PTPRN2: variants seen among roughly 807,000 people sequenced by gnomAD.
PTPRN2 encodes protein tyrosine phosphatase receptor type N2, also known as receptor-type tyrosine-protein phosphatase N2.
Under a neutral mutation model 118.8 loss-of-function variants are expected in PTPRN2, and 74 were observed. That is an observed-to-expected ratio of 0.62 (90% CI 0.52 to 0.76). The LOEUF (loss-of-function observed/expected upper bound fraction) is 0.76. PTPRN2 is among the 30% of genes least tolerant of loss of function. The pLI is 0.00. For missense variants in PTPRN2, 1,481 were observed against 1,394.4 expected (o/e 1.06, Z -0.99); for synonymous variants, 641 against 608.0 (o/e 1.05, Z -0.80).
chr7:158,234,755 C>T (rs1282888393), intron 3 of PTPRN2, among the ~76,000 whole-genome samples: 7 of 152,170 alleles, frequency 4.6e-5, no homozygotes, highest in South Asian at 2.1e-4. Flanking sequence ...ATCCCACTCC[C>T]GTTAAAATGG....
At chr7:157,851,628 C>T (rs1044220370) in intron 12 of PTPRN2, among the ~76,000 whole-genome samples, 3 of 152,170 alleles carry the variant, frequency 2.0e-5, no homozygotes, top group South Asian at 4.1e-4. Flanking sequence ...ACCTTGTGTC[C>T]CTGCTCTGCA....
intron 12 of PTPRN2, among the ~76,000 whole-genome samples, chr7:157,728,083 A>G (rs6459807): frequency 0.77 from 117,479 of 152,206 alleles, 45,870 homozygotes; most frequent in African/African-American, 0.89. Context: ...GCCACCTGGT[A>G]CCCGGTGGGT....
intron 12 of PTPRN2, among the ~76,000 whole-genome samples, chr7:157,791,897 C>T (rs1048724752): frequency 7.9e-5 from 12 of 152,206 alleles, no homozygotes; most frequent in Admixed American, 4.6e-4. Context: ...GAGGGGCGCA[C>T]GCGGATCCCC....
chr7:158,149,476 A>C (rs934491886), intron 6 of PTPRN2, among the ~76,000 whole-genome samples: 2 of 152,110 alleles, frequency 1.3e-5, no homozygotes, highest in Non-Finnish European at 2.9e-5. Flanking sequence ...TTAATCTCTA[A>C]CAAAGGCAAT....
intron 10 of PTPRN2, among the ~76,000 whole-genome samples, chr7:158,107,350 C>T (rs893857501): frequency 3.9e-5 from 6 of 152,188 alleles, no homozygotes; most frequent in Non-Finnish European, 5.9e-5. Flanking sequence ...TCCTAAGTCC[C>T]TGGTGTGCTG....
intron 4 of PTPRN2, among the ~76,000 whole-genome samples, chr7:158,199,241 GGTTCTCAGGTTCTCTTAGCCTTTAGCAT>G (rs1467577653): frequency 1.3e-5 from 2 of 152,104 alleles, no homozygotes; most frequent in African/African-American, 2.4e-5. Context: ...TCAGGTTCCT[GGTTCTCAGGTTCTCTTAGCCTTTAGCAT>G]GTTCTCAGGT....
chr7:158,197,223 C>T (rs1467253186), intron 4 of PTPRN2, among the ~76,000 whole-genome samples: 5 of 152,180 alleles, frequency 3.3e-5, no homozygotes, highest in Non-Finnish European at 7.3e-5. Flanking sequence ...ATAGAACATA[C>T]ACTTTGCTAA....
intron 12 of PTPRN2, among the ~76,000 whole-genome samples, chr7:157,830,773 G>A (rs1032192735): frequency 2.0e-5 from 3 of 152,214 alleles, no homozygotes; most frequent in Non-Finnish European, 4.4e-5. Context: ...AAGAAAATCC[G>A]AGATGTCACA....
chr7:158,164,510 G>A (rs1043100634), intron 6 of PTPRN2, among the ~76,000 whole-genome samples: 1 of 144,252 alleles, frequency 6.9e-6, no homozygotes, highest in Non-Finnish European at 1.5e-5. Flanking sequence ...GCGCGCGTAG[G>A]GAGGGCTCAG....
intron 6 of PTPRN2, among the ~76,000 whole-genome samples, chr7:158,154,186 G>A (rs1034170678): frequency 2.6e-5 from 4 of 152,162 alleles, no homozygotes; most frequent in African/African-American, 7.2e-5. Flanking sequence ...TCCAGAAAAG[G>A]CAGCGTAACG....
At position 157,929,378 on chromosome 7, in the gene PTPRN2, G is replaced by A. The variant is rs147081000; in HGVS notation, c.1724-30641C>T. On this transcript the variant is annotated intron_variant, in intron 11 of 22. Coordinates refer to ENST00000389418, the MANE Select transcript of PTPRN2 (RefSeq NM_002847.5). The surrounding 1 kb of genome is among the most constrained non-coding windows in gnomAD (Gnocchi z 4.4). ...AATGTCAACTCCTCTGTGGGTTCCT[G>A]CAGCACCGGGAGACCCTGGCGCGAC... Among the ~76,000 whole-genome samples, 1 of 152,018 alleles carries A rather than the reference G, an allele frequency of 6.6e-6. No individual in the cohort carries two copies. Among genetic ancestry groups the A allele is most frequent in the Non-Finnish European group, 1.5e-5 (1 of 67,930 alleles).
At chr7:157,905,693 C>T (rs1186386733) in intron 11 of PTPRN2, among the ~76,000 whole-genome samples, 2 of 152,174 alleles carry the variant, frequency 1.3e-5, no homozygotes, top group African/African-American at 2.4e-5. Context: ...TCTTTATCCT[C>T]GTTATTTTAA....
At chr7:158,185,669 TCCTG>T (rs1409651733) in intron 5 of PTPRN2, among the ~76,000 whole-genome samples, 2 of 152,224 alleles carry the variant, frequency 1.3e-5, no homozygotes, top group Admixed American at 6.5e-5. Flanking sequence ...ACACCAGCTT[TCCTG>T]CCTTTCGAGT....
At position 158,558,058 on chromosome 7, in the gene PTPRN2, C is replaced by T. The variant is rs115231319; in HGVS notation, c.112+29500G>A. Among the ~76,000 whole-genome samples, 1,168 of 152,298 alleles carry T rather than the reference C, an allele frequency of 7.7e-3. 19 individuals are homozygous for T. The highest frequency in any genetic ancestry group is 0.026 in the African/African-American group (1,074 of 41,572). ...GGAGTGCAGTGGTATCATCATTACTCACTGCAGCCTTGAACTTCTGGGCTT... is the reference window on the plus strand; with the variant it reads ...GGAGTGCAGTGGTATCATCATTACTTACTGCAGCCTTGAACTTCTGGGCTT... On this transcript the variant is annotated intron_variant, in intron 1 of 22. Transcript: ENST00000389418.
At chr7:158,584,558 G>A (rs112800280) in intron 1 of PTPRN2, among the ~76,000 whole-genome samples, 42 of 152,280 alleles carry the variant, frequency 2.8e-4, no homozygotes, top group African/African-American at 7.9e-4. Flanking sequence ...GTTCAGCTTC[G>A]ATAATGGTCT....
intron 6 of PTPRN2, among the ~76,000 whole-genome samples, chr7:158,146,420 C>A (rs1352560017): frequency 1.3e-5 from 2 of 152,108 alleles, no homozygotes; most frequent in Non-Finnish European, 2.9e-5. Context: ...TGGGAACAAA[C>A]ATTATTCTAA....
At position 157,619,931 on chromosome 7, in the gene PTPRN2, G is replaced by A. The variant is rs571980819; in HGVS notation, c.2344+1431C>T. Among the ~76,000 whole-genome samples, 86 of 152,300 alleles carry A rather than the reference G, an allele frequency of 5.6e-4. No homozygotes were observed. The highest frequency in any genetic ancestry group is 4.9e-4 in the Non-Finnish European group (33 of 68,022). ...GGCAGGGACACAGTGACGGAGAGAC[G>A]GCCTCGGCCACAGGGGACACTGGTC... On this transcript the variant is annotated intron_variant, in intron 15 of 22. Transcript: ENST00000389418. This position sits in a 1 kb window ranked among gnomAD's most constrained non-coding sequence, Gnocchi z 5.3.
chr7:158,308,956 T>C (rs116137611), intron 3 of PTPRN2, among the ~76,000 whole-genome samples: 2,203 of 152,254 alleles, frequency 0.014, 56 homozygotes, highest in African/African-American at 0.05. Flanking sequence ...AATATGCCTA[T>C]AATAATTAAG....
chr7:158,235,161 G>A (rs1326398732), intron 3 of PTPRN2, among the ~76,000 whole-genome samples: 4 of 152,174 alleles, frequency 2.6e-5, no homozygotes, highest in Non-Finnish European at 4.4e-5. Flanking sequence ...AATTAGCGCA[G>A]CCACTATAGA....
Sources: gnomAD v4.1 joint callset for allele counts (sites outside exome capture counted in the v4.1 genomes callset) on GRCh38, gnomAD v4.1.1 for gene constraint, Gnocchi (gnomAD v3.1) non-coding constraint, MANE v1.5 for transcripts, NCBI Gene and HGNC (gene_info 2026-07-23, HGNC 2026-07-21) for gene names.